The following NUDC variants were observed in gnomAD, a reference collection of about 807,000 sequenced individuals.
NUDC encodes the protein nuclear migration protein nudC.
A neutral mutation model predicts 45.0 loss-of-function variants in NUDC; 14 were observed. That is an observed-to-expected ratio of 0.31 (90% CI 0.21 to 0.49). The LOEUF is 0.49. Among genes scored for constraint, NUDC ranks in the 20% least tolerant of loss-of-function variants. NUDC has a pLI of 0.99. For synonymous variants in NUDC, 153 were observed against 156.7 expected (o/e 0.98, Z 0.17); for missense variants, 323 against 426.2 (o/e 0.76, Z 2.13).
chr1:26,913,803 G>A lies in NUDC; in HGVS notation c.93+2568G>A, dbSNP rs370821222. The A allele has an allele frequency of 2.9e-5, 45 of 1,527,262 alleles. 1 individual carries two copies. The highest frequency in any genetic ancestry group is 3.6e-5 in the Non-Finnish European group (41 of 1,136,372). The allele number at this position is 1,527,262 out of a possible 1,614,324, so 94.6% of individuals were successfully genotyped here. ...TGCGATGAGGTGCACATAGCTGGAC[G>A]GGCCGGTGCTGCCTACATAGGCAGC... is the stretch of plus-strand genomic sequence containing the variant. On this transcript the variant is annotated intron_variant, in intron 3 of 6. Transcript: ENST00000435827.
At chr1:26,928,764 A>G (rs979289183) in intron 2 of NUDC, among the ~76,000 whole-genome samples, 1 of 149,054 alleles carries the variant, frequency 6.7e-6, no homozygotes, top group Admixed American at 6.6e-5. Context: ...AAGATAAAAC[A>G]AAATAACAAG....
rs1490861341 is a variant in NUDC at position 26,942,996 on chromosome 1, T to C, written c.672T>C (p.Asn224=). 5 of 1,613,940 alleles carry C rather than the reference T, an allele frequency of 3.1e-6. No individual in the cohort carries two copies. Among genetic ancestry groups the C allele is most frequent in the Non-Finnish European group, 4.2e-6 (5 of 1,179,976 alleles). The part of the protein sequence containing the change: ...QPAIIDGELY[N]EVKVEESSWL... ...CGATCATTGATGGGGAGCTCTACAA[T>C]GAAGTGAAGGTGGAGGAGAGCTCGT... is the stretch of plus-strand genomic sequence containing the variant. The change falls in exon 6 of 9, where the codon AAT becomes AAC. Residue 224 remains asparagine, a synonymous_variant. Transcript: ENST00000321265.
chr1:26,921,817 A>G lies in NUDC; in HGVS notation c.-32A>G, dbSNP rs1013651599. 1 of 1,547,308 alleles carries G rather than the reference A, an allele frequency of 6.5e-7. No individual in the cohort carries two copies. The highest frequency in any genetic ancestry group is 8.7e-7 in the Non-Finnish European group (1 of 1,144,784). The stretch of plus-strand genomic sequence containing the variant: ...CGTAGAGAGCGCGGGACTAGAGTGC[A>G]GAGCTCCGGGACGTGGATCGGAGCC... On this transcript the variant is annotated 5_prime_UTR_variant, in exon 1 of 9. Coordinates refer to ENST00000321265, the MANE Select transcript of NUDC (RefSeq NM_006600.4).
chr1:26,908,475 G>T (rs1270096225), intron 2 of NUDC, among the ~76,000 whole-genome samples: 1 of 152,224 alleles, frequency 6.6e-6, no homozygotes, highest in Non-Finnish European at 1.5e-5. Context: ...AAGAAACGCA[G>T]ACAAGAAACA....
upstream of NUDC, among the ~76,000 whole-genome samples, chr1:26,920,177 T>C (rs1001893818): frequency 1.3e-5 from 2 of 152,108 alleles, no homozygotes; most frequent in Admixed American, 6.6e-5. Flanking sequence ...ACTGTAACCA[T>C]ATCAGAGCCT....
intron 3 of NUDC, chr1:26,913,648 A>C (rs141864635): frequency 2.5e-6 from 4 of 1,613,622 alleles, no homozygotes; most frequent in Non-Finnish European, 3.4e-6. Flanking sequence ...GGCCAACCCA[A>C]GCAGGAAGAG....
At chr1:26,935,490 AAGG>A (rs1250245491) in intron 2 of NUDC, among the ~76,000 whole-genome samples, 1 of 152,074 alleles carries the variant, frequency 6.6e-6, no homozygotes, top group African/African-American at 2.4e-5. Context: ...AGGTGGCAGG[AAGG>A]AGAAGTGCCA....
At chr1:26,924,394 A>T (rs1570724478) in intron 2 of NUDC, among the ~76,000 whole-genome samples, 3 of 152,144 alleles carry the variant, frequency 2.0e-5, no homozygotes, top group Admixed American at 2.0e-4. Context: ...GGCAGGTGTT[A>T]ACTATCCCCA....
intron 2 of NUDC, among the ~76,000 whole-genome samples, chr1:26,938,553 G>A (rs909807171): frequency 2.0e-5 from 3 of 152,204 alleles, no homozygotes; most frequent in South Asian, 2.1e-4. Context: ...TAGGGGGTAC[G>A]TTTGGTGTTC....
At chr1:26,905,465 T>C (rs995073043) in intron 2 of NUDC, among the ~76,000 whole-genome samples, 1 of 152,168 alleles carries the variant, frequency 6.6e-6, no homozygotes, top group Admixed American at 6.6e-5. Context: ...AAGATGCTTT[T>C]ATACTTTTTA....
chr1:26,934,698 C>T (rs143785724), intron 2 of NUDC, among the ~76,000 whole-genome samples: 7,508 of 148,826 alleles, frequency 0.05, 234 homozygotes, highest in Non-Finnish European at 0.073. Context: ...CTCGCTCTGT[C>T]GCCCGGGCTG....
chr1:26,915,548 C>G (rs562616344), intron 3 of NUDC, among the ~76,000 whole-genome samples: 7 of 152,336 alleles, frequency 4.6e-5, no homozygotes, highest in African/African-American at 1.4e-4. Flanking sequence ...TGTTGGGCAG[C>G]CTGGTGCCCT....
At chr1:26,915,058 C>CATACATATATATATATATATATATATAT (rs758134417) in intron 3 of NUDC, among the ~76,000 whole-genome samples, 8 of 140,538 alleles carry the variant, frequency 5.7e-5, no homozygotes, top group African/African-American at 1.6e-4. Flanking sequence ...TACATACATA[C>CATACATATATATATATATATATATATAT]ATATATATAT....
upstream of NUDC, among the ~76,000 whole-genome samples, chr1:26,919,726 A>G (rs1002114592): frequency 1.4e-4 from 21 of 152,218 alleles, no homozygotes; most frequent in Admixed American, 6.5e-5. Context: ...TTCCAACTCA[A>G]CTTCACCTTA....
chr1:26,945,657 C>T lies in NUDC; in HGVS notation c.915C>T (p.Asp305=), dbSNP rs753889302. Residue 305 remains aspartate, a synonymous_variant, in exon 8 of 9, where the codon GAC becomes GAT. Transcript: ENST00000321265. ...AGTCCATGGGGCTGCCAACTTCAGA[C>T]GAACAGAAGAAACAGGAGATTCTGA... ...RQKSMGLPTS[D]EQKKQEILKK... 6 of 1,613,826 alleles carry T rather than the reference C, an allele frequency of 3.7e-6. No individual in the cohort carries two copies. The highest frequency in any genetic ancestry group is 2.2e-5 in the East Asian group (1 of 44,894).
upstream of NUDC, among the ~76,000 whole-genome samples, chr1:26,917,232 TG>T (rs1381007807): frequency 6.6e-6 from 1 of 151,838 alleles, no homozygotes; most frequent in East Asian, 1.9e-4. Context: ...CACTCCAGAC[TG>T]GGCAACGGAG....
intron 2 of NUDC, among the ~76,000 whole-genome samples, chr1:26,905,157 A>ATT (rs71007901): frequency 7.1e-5 from 6 of 84,296 alleles, no homozygotes; most frequent in Non-Finnish European, 1.4e-4. Context: ...TATTATTATT[A>ATT]TTTTTTTTTT....
chr1:26,936,258 C>T (rs1329686825), intron 2 of NUDC, among the ~76,000 whole-genome samples: 151 of 117,770 alleles, frequency 1.3e-3, no homozygotes, highest in African/African-American at 4.8e-3. Context: ...GTCCTGATCT[C>T]GGCTCACCAC....
intron 3 of NUDC, chr1:26,912,076 G>T (rs759521827): frequency 6.2e-7 from 1 of 1,613,702 alleles, no homozygotes; most frequent in Non-Finnish European, 8.5e-7. Context: ...CGGCTTGGAG[G>T]CCTGGCACAT....
Sources: gnomAD v4.1 joint callset for allele counts (sites outside exome capture counted in the v4.1 genomes callset) on GRCh38, gnomAD v4.1.1 for gene constraint, MANE v1.5 for transcripts, NCBI Gene and HGNC (gene_info 2026-07-23, HGNC 2026-07-21) for gene names.